The following STAC variants were observed in gnomAD, a reference collection of about 807,000 sequenced individuals.
The protein encoded by STAC is SH3 and cysteine-rich domain-containing protein.
In STAC, 43 loss-of-function variants were observed where a neutral mutation model predicts 48.8. The ratio of observed to expected loss-of-function variants is 0.88; its 90% CI spans 0.69 to 1.14. The LOEUF (loss-of-function observed/expected upper bound fraction) is 1.14, where lower values mean the gene tolerates loss of function less well. Ranked by LOEUF, STAC falls within the 50% of genes most tolerant of loss-of-function variation. The probability of loss-of-function intolerance (pLI) is 0.00; values close to 1 mark genes in which losing one functional copy is unlikely to be tolerated. For missense variants in STAC, 497 were observed against 504.0 expected, an observed-to-expected ratio of 0.99 and a Z score of 0.13; for synonymous variants, 193 against 179.5, an observed-to-expected ratio of 1.07 and a Z score of -0.60.
intron 2 of STAC, among the ~76,000 whole-genome samples, chr3:36,456,667 A>G (rs1347760935): frequency 1.3e-5 from 2 of 152,084 alleles, no homozygotes; most frequent in Non-Finnish European, 2.9e-5. Context: ...GAGACAAAGC[A>G]TCTCCTCCCT....
chr3:36,442,877 C>T (rs138496230), intron 1 of STAC, among the ~76,000 whole-genome samples: 8 of 151,438 alleles, frequency 5.3e-5, no homozygotes, highest in Non-Finnish European at 4.4e-5. Context: ...GATAGTTTAG[C>T]GAGATGGATT....
At chr3:36,403,695 T>TA (rs75816815) in intron 1 of STAC, among the ~76,000 whole-genome samples, 3,527 of 152,096 alleles carry the variant, frequency 0.023, 60 homozygotes, top group East Asian at 0.026. Flanking sequence ...CAAAAATAGA[T>TA]AAAATCCTTA....
intron 1 of STAC, among the ~76,000 whole-genome samples, chr3:36,383,359 T>C (rs889484838): frequency 6.6e-6 from 1 of 152,200 alleles, no homozygotes; most frequent in African/African-American, 2.4e-5. Context: ...AAAATTTTAA[T>C]ATACACAAAA....
intron 8 of STAC, among the ~76,000 whole-genome samples, chr3:36,512,100 T>A (rs1001905816): frequency 1.3e-5 from 2 of 152,184 alleles, no homozygotes; most frequent in African/African-American, 2.4e-5. Flanking sequence ...GAGTCCTGGC[T>A]CCTTAGATTT....
chr3:36,536,702 C>T (rs1699205568), intron 10 of STAC, among the ~76,000 whole-genome samples: 1 of 152,060 alleles, frequency 6.6e-6, no homozygotes, highest in Admixed American at 6.6e-5. Flanking sequence ...AACTAAAGAG[C>T]TTCTGCACAG....
intron 2 of STAC, among the ~76,000 whole-genome samples, chr3:36,459,902 TA>T (rs1263183300): frequency 6.6e-6 from 1 of 152,138 alleles, no homozygotes; most frequent in Non-Finnish European, 1.5e-5. Flanking sequence ...CTAGTTAATC[TA>T]GTAACATTGT....
intron 1 of STAC, among the ~76,000 whole-genome samples, chr3:36,405,720 C>A (rs1313368040): frequency 6.6e-6 from 1 of 152,178 alleles, no homozygotes; most frequent in Non-Finnish European, 1.5e-5. Flanking sequence ...CTAACCAGAT[C>A]TCTTCTTTCT....
intron 6 of STAC, among the ~76,000 whole-genome samples, chr3:36,500,955 G>A (rs1400568716): frequency 6.6e-6 from 1 of 152,034 alleles, no homozygotes; most frequent in Non-Finnish European, 1.5e-5. Flanking sequence ...TAGCCGGGCA[G>A]GGTGGCATAT....
chr3:36,447,039 A>C (rs1381214771), intron 2 of STAC, among the ~76,000 whole-genome samples: 1 of 152,144 alleles, frequency 6.6e-6, no homozygotes, highest in Non-Finnish European at 1.5e-5. Context: ...CCTCAGCAGA[A>C]GGAGAGTCAA....
intron 2 of STAC, among the ~76,000 whole-genome samples, chr3:36,451,518 A>G (rs1696680071): frequency 6.6e-6 from 1 of 152,230 alleles, no homozygotes; most frequent in Non-Finnish European, 1.5e-5. Context: ...CAAGATTTAT[A>G]CATCTTGTTA....
chr3:36,541,483 T>C (rs564400624), intron 10 of STAC, among the ~76,000 whole-genome samples: 1 of 152,292 alleles, frequency 6.6e-6, no homozygotes, highest in South Asian at 2.1e-4. Context: ...CCAGCTGAAA[T>C]GGTGAGTGAA....
intron 1 of STAC, among the ~76,000 whole-genome samples, chr3:36,398,363 G>GAAAGAAAGAAAGAAAAGA (rs1553631483): frequency 8.0e-6 from 1 of 124,884 alleles, no homozygotes; most frequent in African/African-American, 3.1e-5. Flanking sequence ...AAGAAAGAAA[G>GAAAGAAAGAAAGAAAAGA]AAAGAAAAGA....
intron 1 of STAC, among the ~76,000 whole-genome samples, chr3:36,399,266 C>A (rs1469910692): frequency 2.0e-5 from 3 of 152,154 alleles, no homozygotes; most frequent in African/African-American, 4.8e-5. Flanking sequence ...GATTGGGCAC[C>A]CACAGCACCC....
rs559818699 is a variant in STAC, at chr3:36,443,063, G to T, written c.112-301G>T. ...GCAAATTATATCAAAATCCAATGTG[G>T]TGGGACACTTTTACAGCACACTGGT... is the stretch of plus-strand genomic sequence containing the variant. On this transcript the variant is annotated intron_variant, in intron 1 of 10. Transcript: ENST00000273183. This position sits in a 1 kb window ranked among gnomAD's most constrained non-coding sequence, Gnocchi z 4.2. Among the ~76,000 whole-genome samples, 43 of 152,166 alleles carry T rather than the reference G, an allele frequency of 2.8e-4. No individual in the cohort carries two copies. Among genetic ancestry groups the T allele is most frequent in the Non-Finnish European group, 5.7e-4 (39 of 68,032 alleles).
chr3:36,466,110 T>G (rs931515865), intron 2 of STAC, among the ~76,000 whole-genome samples: 1 of 152,236 alleles, frequency 6.6e-6, no homozygotes, highest in African/African-American at 2.4e-5. Context: ...TTCATTCTTC[T>G]ACATGTGACT....
At chr3:36,413,593 A>G (rs1575183045) in intron 1 of STAC, among the ~76,000 whole-genome samples, 3 of 152,286 alleles carry the variant, frequency 2.0e-5, no homozygotes, top group African/African-American at 7.2e-5. Context: ...GGGTTTCCCG[A>G]ATACAGCACA....
intron 1 of STAC, among the ~76,000 whole-genome samples, chr3:36,401,570 A>G (rs917391830): frequency 2.0e-5 from 3 of 152,174 alleles, no homozygotes; most frequent in African/African-American, 7.2e-5. Flanking sequence ...AGCCATAGAC[A>G]GGATTCCCCA....
At chr3:36,398,968 G>A (rs1699945380) in intron 1 of STAC, among the ~76,000 whole-genome samples, 1 of 152,228 alleles carries the variant, frequency 6.6e-6, no homozygotes, top group South Asian at 2.1e-4. Context: ...GGATACAGCA[G>A]GAGAGAGGGC....
At chr3:36,464,128 CCCA>C (rs1333086555) in intron 2 of STAC, among the ~76,000 whole-genome samples, 2 of 152,172 alleles carry the variant, frequency 1.3e-5, no homozygotes, top group Non-Finnish European at 2.9e-5. Context: ...AGTTTACAGT[CCCA>C]CCAACAGTGT....
Sources: allele counts gnomAD v4.1 joint callset (sites outside exome capture counted in the v4.1 genomes callset), GRCh38; gene constraint gnomAD v4.1.1; non-coding constraint Gnocchi (gnomAD v3.1); transcripts MANE v1.5; gene names NCBI Gene and HGNC (gene_info 2026-07-23, HGNC 2026-07-21).